The following WDR5 variants were observed in gnomAD, a reference collection of about 807,000 sequenced individuals.
WDR5 encodes the protein WD repeat-containing protein 5.
For synonymous variants in WDR5, 144 were observed against 161.6 expected (o/e 0.89, Z 0.83); for missense variants, 187 against 416.9 (o/e 0.45, Z 4.80).
At chr9:134,155,639 A>G in intron 11 of WDR5, 54 bp from the exon 12 acceptor site, 9 of 1,577,610 alleles carry the variant, frequency 5.7e-6, no homozygotes, top group Non-Finnish European at 7.0e-6. Flanking sequence ...GTAGAATTAC[A>G]CAAAATCAAG....
chr9:134,137,337 T>TC (rs1204312735), intron 1 of WDR5, among the ~76,000 whole-genome samples: 1 of 152,110 alleles, frequency 6.6e-6, no homozygotes, highest in Admixed American at 6.5e-5. Context: ...TCTCCAACCT[T>TC]CCTGTTCTCT....
rs1832873532 is a variant in WDR5 at position 134,158,931 on chromosome 9, G to C, written c.*938G>C. 6.6e-6 allele frequency: 1 copy of C among 152,224 alleles called. No individual in the cohort carries two copies. Among genetic ancestry groups the C allele is most frequent in the African/African-American group, 2.4e-5 (1 of 41,420 alleles). 9.4% of individuals were successfully genotyped at this position (152,224 alleles called of 1,614,324 possible). A position where few individuals can be genotyped will look rare whatever the true frequency, so the allele number is the denominator to read the frequency against. On this transcript the variant is annotated 3_prime_UTR_variant, in exon 14 of 14. Transcript: ENST00000358625. Reference sequence around the variant, plus strand: ...CCTGATGGACTTGCGTTGGGATGTGGGGGACACCTGTGGCATGGTAAGGCT... The same window carrying C: ...CCTGATGGACTTGCGTTGGGATGTGCGGGACACCTGTGGCATGGTAAGGCT...
intron 3 of WDR5, among the ~76,000 whole-genome samples, chr9:134,141,142 C>T (rs1375093520): frequency 6.6e-6 from 1 of 152,078 alleles, no homozygotes; most frequent in Non-Finnish European, 1.5e-5. Flanking sequence ...AAAGATTAGC[C>T]GGGCATGGTG....
At chr9:134,152,164 G>C in intron 9 of WDR5, 135 bp downstream of exon 9, 1 of 1,047,384 alleles carries the variant, frequency 9.5e-7, no homozygotes, top group Non-Finnish European at 1.4e-6. Context: ...CTTCCTCCGT[G>C]TCCGACCGTT....
chr9:134,139,973 G>A lies in WDR5; in HGVS notation c.81+15G>A, dbSNP rs923194252. 7 of 1,613,582 alleles carry A rather than the reference G, an allele frequency of 4.3e-6. No individual in the cohort carries two copies. In the South Asian group the frequency reaches 6.6e-5, roughly 15 times the overall value. Reference sequence around the variant, plus strand: ...CTCAGAGCAAGGTGCGTGCCCAGGGGCCCCTTGGACACCTTCCGGGGGCAA... The same window carrying A: ...CTCAGAGCAAGGTGCGTGCCCAGGGACCCCTTGGACACCTTCCGGGGGCAA... On this transcript the variant is annotated intron_variant, in intron 2 of 13. Coordinates refer to ENST00000358625, the MANE Select transcript of WDR5 (RefSeq NM_017588.3).
chr9:134,158,013 C>T lies in WDR5; in HGVS notation c.*20C>T, dbSNP rs767564127. 51 of 1,609,328 alleles carry T rather than the reference C, an allele frequency of 3.2e-5. No homozygotes were observed. Among genetic ancestry groups the T allele is most frequent in the Middle Eastern group, 1.6e-4 (1 of 6,074 alleles). ...TGCTAAGTCCCTTTGCTCCTGCCCGCGAGAGACTGTCGGGAAGTTGACCCG... is the reference window on the plus strand; with the variant it reads ...TGCTAAGTCCCTTTGCTCCTGCCCGTGAGAGACTGTCGGGAAGTTGACCCG... On this transcript the variant is annotated 3_prime_UTR_variant, in exon 14 of 14. Coordinates refer to ENST00000358625, the MANE Select transcript of WDR5 (RefSeq NM_017588.3).
At chr9:134,142,761 G>A (rs745321494) in intron 7 of WDR5, 42 bp downstream of exon 7, 7 of 1,597,910 alleles carry the variant, frequency 4.4e-6, no homozygotes, top group East Asian at 2.2e-5. Context: ...CCAGCACTAC[G>A]TTTCTCTGAC....
intron 10 of WDR5, 143 bp from the exon 11 acceptor site, chr9:134,155,197 C>G: frequency 1.0e-6 from 1 of 981,088 alleles, no homozygotes; most frequent in Non-Finnish European, 1.4e-6. Context: ...GGGCTCCTTA[C>G]CCTGATGGGG....
At chr9:134,150,282 C>T (rs923023948) in intron 8 of WDR5, among the ~76,000 whole-genome samples, 40 of 152,258 alleles carry the variant, frequency 2.6e-4, no homozygotes, top group Admixed American at 7.2e-4. Context: ...AGGATTATAA[C>T]GTAAACATCA....
intron 8 of WDR5, among the ~76,000 whole-genome samples, chr9:134,149,088 C>T (rs1416448524): frequency 2.0e-5 from 3 of 152,160 alleles, no homozygotes; most frequent in South Asian, 4.1e-4. Flanking sequence ...GCAGGGAACC[C>T]TCAGGTGGAC....
chr9:134,152,422 C>G (rs367670430), intron 9 of WDR5, among the ~76,000 whole-genome samples: 1 of 152,036 alleles, frequency 6.6e-6, no homozygotes, highest in Non-Finnish European at 1.5e-5. Flanking sequence ...GGGGTGCTGC[C>G]GAGGTGGATG....
chr9:134,136,721 C>T (rs1261866550), intron 1 of WDR5, among the ~76,000 whole-genome samples: 2 of 152,198 alleles, frequency 1.3e-5, no homozygotes, highest in Non-Finnish European at 2.9e-5. Flanking sequence ...GGTAGGCCCA[C>T]CGTGCCTCCT....
intron 1 of WDR5, among the ~76,000 whole-genome samples, chr9:134,139,416 C>T (rs950202044): frequency 6.6e-6 from 1 of 152,116 alleles, no homozygotes; most frequent in African/African-American, 2.4e-5. Flanking sequence ...ATTTCTACAC[C>T]CTGAAGCTCA....
intron 8 of WDR5, 61 bp downstream of exon 8, chr9:134,148,404 A>G (rs773452659): frequency 1.6e-5 from 24 of 1,461,252 alleles, no homozygotes; most frequent in Non-Finnish European, 2.1e-5. Context: ...CAGCTCTTGC[A>G]CTGTTCCTGC....
intron 4 of WDR5, among the ~76,000 whole-genome samples, 167 bp downstream of exon 4, chr9:134,141,750 G>C (rs1831899648): frequency 6.6e-6 from 1 of 152,082 alleles, no homozygotes; most frequent in Non-Finnish European, 1.5e-5. Context: ...AATAACATTT[G>C]ACTTCCATGG....
intron 7 of WDR5, among the ~76,000 whole-genome samples, chr9:134,146,205 A>C (rs1383274174): frequency 1.4e-5 from 2 of 147,864 alleles, no homozygotes; most frequent in Non-Finnish European, 3.0e-5. Context: ...CTGACCTCAT[A>C]ATCCGCCCAC....
intron 9 of WDR5, among the ~76,000 whole-genome samples, chr9:134,154,059 C>T (rs551153796): frequency 2.0e-5 from 3 of 152,274 alleles, no homozygotes; most frequent in East Asian, 1.9e-4. Context: ...CCCCTTGCGT[C>T]GATAAATTCT....
chr9:134,138,614 G>T (rs1027079002), intron 1 of WDR5, among the ~76,000 whole-genome samples: 3 of 152,206 alleles, frequency 2.0e-5, no homozygotes, highest in Non-Finnish European at 4.4e-5. Flanking sequence ...CCTAGATGCA[G>T]CGTGATCCAT....
intron 2 of WDR5, 122 bp from the exon 3 acceptor site, chr9:134,140,581 G>A (rs1402473139): frequency 2.5e-6 from 2 of 803,796 alleles, no homozygotes; most frequent in Admixed American, 1.8e-5. Flanking sequence ...AAGGCACTGG[G>A]CATGTGGATT....
Sources: gnomAD v4.1 joint callset for allele counts (sites outside exome capture counted in the v4.1 genomes callset) on GRCh38, gnomAD v4.1.1 for gene constraint, MANE v1.5 for transcripts, NCBI Gene and HGNC (gene_info 2026-07-23, HGNC 2026-07-21) for gene names.